STXBP5L: variants seen among roughly 807,000 people sequenced by gnomAD.
STXBP5L encodes the protein syntaxin binding protein 5L, also known as syntaxin-binding protein 5-like.
Under a neutral mutation model 144.5 loss-of-function variants are expected in STXBP5L, and 65 were observed. The observed-to-expected ratio is 0.45, with a 90% confidence interval of 0.37 to 0.55. The LOEUF is 0.55. STXBP5L is among the 20% of genes least tolerant of loss of function. The pLI, the probability that STXBP5L is intolerant of heterozygous loss-of-function variation, is 0.00. For synonymous variants in STXBP5L, 505 were observed against 469.6 expected, an observed-to-expected ratio of 1.08 and a Z score of -0.97; for missense variants, 1,298 against 1,405.5, an observed-to-expected ratio of 0.92 and a Z score of 1.22.
intron 20 of STXBP5L, among the ~76,000 whole-genome samples, chr3:121,345,429 T>C (rs2044919871): frequency 6.6e-6 from 1 of 152,156 alleles, no homozygotes; most frequent in East Asian, 1.9e-4. Flanking sequence ...TTGGATTGTT[T>C]CCAAGTATTT....
chr3:121,194,909 C>CTTTTTTTTTTTTTTTTTTTTT (rs10717806), intron 9 of STXBP5L, among the ~76,000 whole-genome samples: 1 of 68,480 alleles, frequency 1.5e-5, no homozygotes, highest in East Asian at 4.6e-4. Flanking sequence ...TCTTTTCACT[C>CTTTTTTTTTTTTTTTTTTTTT]TTTTTTTTTT....
intron 20 of STXBP5L, among the ~76,000 whole-genome samples, chr3:121,360,157 C>T (rs2045667585): frequency 6.7e-6 from 1 of 148,582 alleles, no homozygotes; most frequent in Non-Finnish European, 1.5e-5. Flanking sequence ...TTATAGTGAT[C>T]TTCTTTTCTC....
chr3:121,120,661 G>A (rs1200187847), intron 6 of STXBP5L, among the ~76,000 whole-genome samples: 2 of 151,146 alleles, frequency 1.3e-5, no homozygotes, highest in Non-Finnish European at 3.0e-5. Flanking sequence ...TAACTCTGAG[G>A]AGTCAGCACC....
chr3:121,106,429 C>T (rs2043711482), intron 5 of STXBP5L, among the ~76,000 whole-genome samples: 1 of 151,850 alleles, frequency 6.6e-6, no homozygotes, highest in Non-Finnish European at 1.5e-5. Context: ...CAACAGGCCC[C>T]AGTGTGTGTT....
chr3:120,994,803 T>A (rs529647500), intron 3 of STXBP5L, among the ~76,000 whole-genome samples: 1 of 152,080 alleles, frequency 6.6e-6, no homozygotes, highest in African/African-American at 2.4e-5. Flanking sequence ...TACATTGAAT[T>A]AGGGGGAATT....
chr3:121,108,596 G>A (rs1438732247), intron 5 of STXBP5L, among the ~76,000 whole-genome samples: 1 of 152,070 alleles, frequency 6.6e-6, no homozygotes, highest in Non-Finnish European at 1.5e-5. Context: ...ACTTTTTGAT[G>A]TGCTGTTGGA....
At chr3:121,043,972 C>G (rs1282166384) in intron 4 of STXBP5L, among the ~76,000 whole-genome samples, 1 of 152,096 alleles carries the variant, frequency 6.6e-6, no homozygotes, top group Non-Finnish European at 1.5e-5. Flanking sequence ...TCAAGTGTAA[C>G]TCATCAAATG....
intron 20 of STXBP5L, among the ~76,000 whole-genome samples, chr3:121,355,246 T>G (rs2045463910): frequency 6.6e-6 from 1 of 152,214 alleles, no homozygotes; most frequent in Admixed American, 6.5e-5. Flanking sequence ...CTTGCTAAGT[T>G]GGGGAAGTTC....
rs375898061 is a variant in STXBP5L, at chr3:120,975,550, G to C, written c.287+20513G>C. Among the ~76,000 whole-genome samples, 284 of 152,130 alleles carry C rather than the reference G, an allele frequency of 1.9e-3. 4 individuals are homozygous for C. In the East Asian group the frequency reaches 0.036, roughly 19 times the overall value. On this transcript the variant is annotated intron_variant, in intron 3 of 26. Transcript: ENST00000471454. ...TACCCTTTATTTCCTTCTCCTGCCT[G>C]ATTGCCCTGGCCAGAACTTCCAACG... is the stretch of plus-strand genomic sequence containing the variant.
At chr3:121,100,557 G>T (rs182262729) in intron 5 of STXBP5L, among the ~76,000 whole-genome samples, 2 of 152,150 alleles carry the variant, frequency 1.3e-5, no homozygotes, top group Admixed American at 1.3e-4. Context: ...TGAAAACAGA[G>T]ACATGACTTA....
chr3:121,405,278 C>CT (rs1560062316), intron 22 of STXBP5L, among the ~76,000 whole-genome samples: 2 of 151,900 alleles, frequency 1.3e-5, no homozygotes, highest in Admixed American at 1.3e-4. Context: ...ATTTATCTAC[C>CT]TTTTTTCAAG....
intron 3 of STXBP5L, among the ~76,000 whole-genome samples, chr3:121,032,417 G>A (rs1382151471): frequency 6.6e-6 from 1 of 152,054 alleles, no homozygotes; most frequent in African/African-American, 2.4e-5. Flanking sequence ...GTTGTTATTC[G>A]TGACCTTATT....
chr3:121,029,485 A>G (rs550503145), intron 3 of STXBP5L, among the ~76,000 whole-genome samples: 2 of 152,336 alleles, frequency 1.3e-5, no homozygotes, highest in East Asian at 3.9e-4. Flanking sequence ...CATATGCAGA[A>G]AAGTGAAACT....
In STXBP5L at chr3:121,222,995, C is replaced by T; in HGVS notation, c.957-8C>T. On this transcript the variant is annotated splice_polypyrimidine_tract_variant and splice_region_variant and intron_variant, in intron 10 of 26. Transcript: ENST00000471454. Reference sequence around the variant, plus strand: ...TTCTGAGTCTCATTCATGTTTTTTCCTATGTAGCGAACCATTCATAATATT... The same window carrying T: ...TTCTGAGTCTCATTCATGTTTTTTCTTATGTAGCGAACCATTCATAATATT... The T allele has an allele frequency of 6.3e-7, 1 of 1,587,036 alleles. No homozygotes were observed. Among genetic ancestry groups the T allele is most frequent in the Non-Finnish European group, 8.5e-7 (1 of 1,170,810 alleles).
At chr3:121,204,941 T>C (rs1355595003) in intron 9 of STXBP5L, among the ~76,000 whole-genome samples, 2 of 152,312 alleles carry the variant, frequency 1.3e-5, no homozygotes, top group East Asian at 1.9e-4. Flanking sequence ...TCATTTTTGT[T>C]TTATGCAAAA....
intron 9 of STXBP5L, among the ~76,000 whole-genome samples, chr3:121,171,564 T>TCAAAC (rs2046719009): frequency 6.8e-6 from 1 of 147,572 alleles, no homozygotes; most frequent in Non-Finnish European, 1.5e-5. Flanking sequence ...ACACCAATAA[T>TCAAAC]AGAGAGCCAA....
chr3:121,110,418 C>G (rs1050605268), intron 5 of STXBP5L, among the ~76,000 whole-genome samples: 21 of 152,060 alleles, frequency 1.4e-4, no homozygotes, highest in Non-Finnish European at 2.4e-4. Flanking sequence ...GCAAGATGGG[C>G]CTGGTGGTGA....
Position 121,067,460 on chromosome 3 carries a change from A to G in STXBP5L, c.470+21925A>G, listed in dbSNP as rs542795251. On this transcript the variant is annotated intron_variant, in intron 5 of 26. Coordinates refer to ENST00000471454, the MANE Select transcript of STXBP5L (RefSeq NM_001308330.2). ...GTTTTCTATCTCTTGTTAGTAAAAA[A>G]TAAAATGCCACTGTGGAAAGATCAT... 2.3e-4 allele frequency among the ~76,000 whole-genome samples: 35 copies of G among 152,298 alleles called. No homozygotes were observed. The South Asian group carries it at 6.8e-3, about 30-fold the overall frequency.
At chr3:121,178,795 G>A (rs2047030187) in intron 9 of STXBP5L, among the ~76,000 whole-genome samples, 1 of 152,154 alleles carries the variant, frequency 6.6e-6, no homozygotes, top group South Asian at 2.1e-4. Context: ...GCCCAGGGAA[G>A]CCATCCCTGA....
Sources: gnomAD v4.1 joint callset for allele counts (sites outside exome capture counted in the v4.1 genomes callset) on GRCh38, gnomAD v4.1.1 for gene constraint, MANE v1.5 for transcripts, NCBI Gene and HGNC (gene_info 2026-07-23, HGNC 2026-07-21) for gene names.